The following ZNF687 variants were observed in gnomAD, a reference collection of about 807,000 sequenced individuals.
ZNF687 encodes zinc finger protein 687.
Under a neutral mutation model 71.8 loss-of-function variants are expected in ZNF687, and 13 were observed. That is an observed-to-expected ratio of 0.18 (90% confidence interval 0.12 to 0.29). The LOEUF (loss-of-function observed/expected upper bound fraction) is 0.29, where lower values mean the gene tolerates loss of function less well. ZNF687 is among the 10% of genes least tolerant of loss of function. The probability of loss-of-function intolerance (pLI) is 1.00; values close to 1 mark genes in which losing one functional copy is unlikely to be tolerated. For missense variants in ZNF687, 1,412 were observed against 1,625.6 expected (o/e 0.87, Z 2.26); for synonymous variants, 673 against 641.6 (o/e 1.05, Z -0.74).
chr1:151,291,003 C>A lies in ZNF687; in HGVS notation c.3508C>A (p.Leu1170Met), dbSNP rs1215001672. Residue 1170 changes from leucine (L) to methionine (M), a missense_variant, in exon 9 of 9, where the codon CTG becomes ATG. Coordinates refer to ENST00000336715, the MANE Select transcript of ZNF687 (RefSeq NM_020832.3). Reference protein sequence around the residue: ...KRRGVGKASALGLGDGEEEAP... With the variant: ...KRRGVGKASAMGLGDGEEEAP... ...ACGGGGTGTGGGTAAAGCCAGTGCCCTGGGGCTGGGGGATGGGGAGGAAGA... is the reference window on the plus strand; with the variant it reads ...ACGGGGTGTGGGTAAAGCCAGTGCCATGGGGCTGGGGGATGGGGAGGAAGA... 2.5e-6 allele frequency: 4 copies of A among 1,613,986 alleles called. No individual in the cohort carries two copies. Among genetic ancestry groups the A allele is most frequent in the South Asian group, 2.2e-5 (2 of 91,084 alleles).
chr1:151,286,684 A>G lies in ZNF687; in HGVS notation c.393A>G (p.Glu131=). Reference sequence around the variant, plus strand: ...TGCAGAATGGTTTTGGGAGCCCTGAACCTTCCCTCCCAGGAACTCCCCACT... The same window carrying G: ...TGCAGAATGGTTTTGGGAGCCCTGAGCCTTCCCTCCCAGGAACTCCCCACT... The part of the protein sequence containing the change: ...HRMQNGFGSP[E]PSLPGTPHSP... The change falls in exon 2 of 9, where the codon GAA becomes GAG. Residue 131 remains glutamate, a synonymous_variant. Transcript: ENST00000336715. 6.2e-7 allele frequency: 1 copy of G among 1,614,072 alleles called. No homozygotes were observed. The highest frequency in any genetic ancestry group is 1.1e-5 in the South Asian group (1 of 91,080).
rs766168208 is a variant in ZNF687 at position 151,289,904 on chromosome 1, A to G, written c.2861A>G (p.Lys954Arg). The change falls in exon 6 of 9, where the codon AAG becomes AGG. Residue 954 changes from lysine (K) to arginine (R), a missense_variant. Around this residue, in one of 8 missense-constraint regions of ZNF687, gnomAD observed 135 missense variants for 104.1 expected, o/e 1.30. Coordinates refer to ENST00000336715, the MANE Select transcript of ZNF687 (RefSeq NM_020832.3). ...PRRELGSKGL[K>R]GGGGGPGGWT... ...CGGGAACTAGGGAGCAAAGGCCTCAAGGGTGGGGGTGGGGGGCCTGGAGGC... is the reference window on the plus strand; with the variant it reads ...CGGGAACTAGGGAGCAAAGGCCTCAGGGGTGGGGGTGGGGGGCCTGGAGGC... The G allele has an allele frequency of 6.4e-7, 1 of 1,557,844 alleles. No individual in the cohort carries two copies. Among genetic ancestry groups the G allele is most frequent in the Non-Finnish European group, 8.7e-7 (1 of 1,148,880 alleles).
At chr1:151,281,699 C>T (rs906578453), upstream of ZNF687, 1 of 438,212 alleles carries the variant, frequency 2.3e-6, no homozygotes, top group Admixed American at 2.6e-5. Context: ...GGGAAGACCG[C>T]AAGGAAATGG....
chr1:151,286,281 G>T lies in ZNF687; in HGVS notation c.-11G>T. 1 of 1,539,644 alleles carries T rather than the reference G, an allele frequency of 6.5e-7. No individual in the cohort carries two copies. The highest frequency in any genetic ancestry group is 8.7e-7 in the Non-Finnish European group (1 of 1,146,396). On this transcript the variant is annotated 5_prime_UTR_variant, in exon 2 of 9. Transcript: ENST00000336715. ...TCGTTCCTGTTTTCATCAGGTCTGG[G>T]ATCTGCCGATATGGGGGATATGAAG...
rs202052832 is a variant in ZNF687 at position 151,287,996 on chromosome 1, C to T, written c.1705C>T (p.Arg569Cys). 44 of 1,614,030 alleles carry T rather than the reference C, an allele frequency of 2.7e-5. No individual in the cohort carries two copies. Among genetic ancestry groups the T allele is most frequent in the East Asian group, 6.7e-5 (3 of 44,884 alleles). The change falls in exon 2 of 9, where the codon CGC becomes TGC. Residue 569 changes from arginine to cysteine, a missense_variant. This residue lies in a region of ZNF687 where 50 missense variants were observed against 106.6 expected (regional missense o/e 0.47). Coordinates refer to ENST00000336715, the MANE Select transcript of ZNF687 (RefSeq NM_020832.3). This position sits in a 1 kb window ranked among gnomAD's most constrained non-coding sequence, Gnocchi z 5.0. ...IEVTCNHCAR[R>C]LVFFNKCSLL... ...GGTCACCTGCAACCACTGCGCCCGC[C>T]GCCTGGTCTTCTTCAACAAGTGCAG...
At chr1:151,281,909 C>T, upstream of ZNF687, 2 of 786,922 alleles carry the variant, frequency 2.5e-6, no homozygotes, top group South Asian at 1.8e-5. Flanking sequence ...CAGCTTCAAG[C>T]TTCGAGCGGC....
In ZNF687 at chr1:151,286,881, C is replaced by G. The variant is rs753505256; in HGVS notation, c.590C>G (p.Ser197Cys). The change falls in exon 2 of 9, where the codon TCT becomes TGT. Residue 197 changes from serine (S) to cysteine (C), a missense_variant. Coordinates refer to ENST00000336715, the MANE Select transcript of ZNF687 (RefSeq NM_020832.3). The stretch of plus-strand genomic sequence containing the variant: ...GCTCTGACCCCGCCTCCTTTCCCCT[C>G]TTCCTTTGAGCTGGCCCAGGAGAAT... The part of the protein sequence containing the change: ...EGALTPPPFP[S>C]SFELAQENGP... The G allele has an allele frequency of 1.9e-6, 3 of 1,613,184 alleles. No homozygotes were observed. Among genetic ancestry groups the G allele is most frequent in the Middle Eastern group, 1.6e-4 (1 of 6,078 alleles).
chr1:151,288,800 A>G (rs1694067210), intron 3 of ZNF687, 94 bp downstream of exon 3: 9 of 1,386,288 alleles, frequency 6.5e-6, no homozygotes, highest in South Asian at 2.7e-5. Flanking sequence ...CTTCCCTGCT[A>G]TATCCCTCAG....
intron 8 of ZNF687, 44 bp from the exon 9 acceptor site, chr1:151,290,670 CA>C (rs1348328583): frequency 1.3e-6 from 2 of 1,580,226 alleles, no homozygotes; most frequent in Non-Finnish European, 8.6e-7. Context: ...GTGCCAGGGA[CA>C]GTAGGGGTGG....
intron 1 of ZNF687, chr1:151,283,851 C>G (rs1693835974): frequency 3.0e-6 from 3 of 985,260 alleles, no homozygotes; most frequent in African/African-American, 1.7e-5. Flanking sequence ...CTGGGACTGT[C>G]TCTAGTTACA....
Position 151,287,994 on chromosome 1 carries a change from G to A in ZNF687, c.1703G>A (p.Arg568His), listed in dbSNP as rs1186641189. Residue 568 changes from arginine to histidine, a missense_variant, in exon 2 of 9, where the codon CGC becomes CAC. Physicochemically the swap from Arg to His is conservative, Grantham distance 29. Coordinates refer to ENST00000336715, the MANE Select transcript of ZNF687 (RefSeq NM_020832.3). This position sits in a 1 kb window ranked among gnomAD's most constrained non-coding sequence, Gnocchi z 5.0. ...GAGGTCACCTGCAACCACTGCGCCC[G>A]CCGCCTGGTCTTCTTCAACAAGTGC... Reference protein sequence around the residue: ...RIEVTCNHCARRLVFFNKCSL... With the variant: ...RIEVTCNHCAHRLVFFNKCSL... The A allele has an allele frequency of 3.7e-6, 6 of 1,613,992 alleles. No individual in the cohort carries two copies. Among genetic ancestry groups the A allele is most frequent in the Admixed American group, 1.7e-5 (1 of 60,026 alleles).
chr1:151,286,943 T>C lies in ZNF687; in HGVS notation c.652T>C (p.Leu218=), dbSNP rs61744826. The change falls in exon 2 of 9, where the codon TTG becomes CTG. Residue 218 remains leucine, a synonymous_variant. Coordinates refer to ENST00000336715, the MANE Select transcript of ZNF687 (RefSeq NM_020832.3). The part of the protein sequence containing the change: ...GMQPPVSSPP[L]GALKQESCSP... ...GCAGCCACCTGTTTCTTCCCCACCA[T>C]TGGGGGCCTTGAAGCAGGAGAGCTG... The C allele has an allele frequency of 2.2e-3, 3,491 of 1,611,646 alleles. 42 individuals carry two copies. The African/African-American group carries it at 0.03, about 14-fold the overall frequency.
At chr1:151,281,886 C>A, upstream of ZNF687, 1 of 582,442 alleles carries the variant, frequency 1.7e-6, no homozygotes, top group Non-Finnish European at 2.7e-6. Flanking sequence ...CTTACATTCG[C>A]GAAAGTGAAC....
chr1:151,290,924 C>T lies in ZNF687; in HGVS notation c.3429C>T (p.Cys1143=), dbSNP rs763876065. Residue 1143 remains cysteine, a synonymous_variant, in exon 9 of 9, where the codon TGC becomes TGT. Coordinates refer to ENST00000336715, the MANE Select transcript of ZNF687 (RefSeq NM_020832.3). ...AGCAGTGCCTCGACTGTGGCTTGTG[C>T]TTTGCCTCCCCTGGCTCCCTGAGCC... ...GAQQCLDCGL[C]FASPGSLSRH... is the part of the protein sequence containing the mutation. 1 of 1,613,826 alleles carries T rather than the reference C, an allele frequency of 6.2e-7. No individual in the cohort carries two copies. Among genetic ancestry groups the T allele is most frequent in the East Asian group, 2.2e-5 (1 of 44,874 alleles).
chr1:151,282,438 C>A, intron 1 of ZNF687, 43 bp downstream of exon 1: 1 of 984,780 alleles, frequency 1.0e-6, no homozygotes, highest in Non-Finnish European at 1.2e-6. Context: ...GCTCCGCCCC[C>A]TTGGGGGGGG....
intron 1 of ZNF687, chr1:151,284,305 G>T: frequency 1.0e-6 from 1 of 978,704 alleles, no homozygotes; most frequent in Non-Finnish European, 1.2e-6. Context: ...AAAGCAAGAT[G>T]GGGAGGGGTG....
chr1:151,287,101 G>A lies in ZNF687; in HGVS notation c.810G>A (p.Gln270=). 4 of 1,613,960 alleles carry A rather than the reference G, an allele frequency of 2.5e-6. No individual in the cohort carries two copies. Among genetic ancestry groups the A allele is most frequent in the Non-Finnish European group, 8.5e-7 (1 of 1,179,864 alleles). Residue 270 remains glutamine (Q), a synonymous_variant, in exon 2 of 9, where the codon CAG becomes CAA. Transcript: ENST00000336715. The surrounding 1 kb of genome is among the most constrained non-coding windows in gnomAD (Gnocchi z 5.0). ...TCTTCAAGCAGTCTCCAGGGCACCA[G>A]AGCCCTCTTGCCTCCCCCAAAGTGC... The part of the protein sequence containing the change: ...VPFFKQSPGH[Q]SPLASPKVPV...
Position 151,287,443 on chromosome 1 carries a change from G to A in ZNF687, c.1152G>A (p.Lys384=), listed in dbSNP as rs917989694. 1.9e-6 allele frequency: 3 copies of A among 1,614,210 alleles called. No individual in the cohort carries two copies. Among genetic ancestry groups the A allele is most frequent in the Admixed American group, 3.3e-5 (2 of 60,028 alleles). The change falls in exon 2 of 9, where the codon AAG becomes AAA. Residue 384 remains lysine, a synonymous_variant. Transcript: ENST00000336715. This position sits in a 1 kb window ranked among gnomAD's most constrained non-coding sequence, Gnocchi z 5.0. ...CAACACCTACTTCTGAGGGTCCAAA[G>A]GTGGTGAGCGTACAGTTGGGTGATG... ...SPATPTSEGP[K]VVSVQLGDGT...
chr1:151,290,371 A>C lies in ZNF687; in HGVS notation c.3078-61A>C, dbSNP rs1366809143. The C allele has an allele frequency of 2.5e-6, 4 of 1,613,026 alleles. No individual in the cohort carries two copies. The Admixed American group carries it at 5.0e-5, about 20-fold the overall frequency. ...TCTGCTCTGGCAGCCCCCTCCTCAG[A>C]AGCAAGGGCCCTGGCCTTCGGGCTG... On this transcript the variant is annotated intron_variant, in intron 7 of 8. Transcript: ENST00000336715.
Sources: gnomAD v4.1 joint callset for allele counts on GRCh38, gnomAD v4.1.1 for gene constraint, gnomAD v4.1.1 regional missense constraint, Gnocchi (gnomAD v3.1) non-coding constraint, MANE v1.5 for transcripts, NCBI Gene and HGNC (gene_info 2026-07-23, HGNC 2026-07-21) for gene names.